ERI1: variants seen among roughly 807,000 people sequenced by gnomAD.
ERI1 encodes the protein 3'-5' exoribonuclease 1.
Under a neutral mutation model 39.7 loss-of-function variants are expected in ERI1, and 39 were observed. The ratio of observed to expected loss-of-function variants is 0.98; its 90% CI spans 0.76 to 1.28. The LOEUF (loss-of-function observed/expected upper bound fraction) is 1.28. Among genes scored for constraint, ERI1 ranks in the 50% most tolerant of loss-of-function variants. The pLI is 0.00. For synonymous variants in ERI1, 204 were observed against 149.6 expected, an observed-to-expected ratio of 1.36 and a Z score of -2.65; for missense variants, 581 against 416.9, an observed-to-expected ratio of 1.39 and a Z score of -3.43.
chr8:9,078,492 T>C (rs889668257), intron 3 of ERI1, among the ~76,000 whole-genome samples: 6 of 152,148 alleles, frequency 3.9e-5, no homozygotes, highest in African/African-American at 1.4e-4. Context: ...AAACTCAAGT[T>C]TTTTAACCCA....
chr8:9,016,714 C>G (rs972181138), intron 4 of ERI1, among the ~76,000 whole-genome samples: 5 of 152,158 alleles, frequency 3.3e-5, no homozygotes, highest in Non-Finnish European at 5.9e-5. Context: ...TTGAGACAGT[C>G]TCACTCTGTC....
At chr8:9,045,276 G>C (rs1272768724) in intron 3 of ERI1, among the ~76,000 whole-genome samples, 2 of 148,772 alleles carry the variant, frequency 1.3e-5, no homozygotes, top group Admixed American at 1.3e-4. Context: ...ATTACGTTCA[G>C]CCCTAAGCTG....
intron 3 of ERI1, among the ~76,000 whole-genome samples, chr8:9,075,415 G>T (rs994627634): frequency 6.6e-6 from 1 of 151,694 alleles, no homozygotes; most frequent in East Asian, 1.9e-4. Flanking sequence ...ACAATAATAA[G>T]AACACAGCTA....
chr8:9,035,191 C>G (rs902659384), downstream of ERI1, among the ~76,000 whole-genome samples: 1 of 152,168 alleles, frequency 6.6e-6, no homozygotes, highest in African/African-American at 2.4e-5. Context: ...TAGCTAAGAT[C>G]TAGCTAAGTT....
intron 1 of ERI1, among the ~76,000 whole-genome samples, chr8:9,003,915 C>T (rs1384745763): frequency 1.3e-5 from 2 of 152,224 alleles, no homozygotes; most frequent in African/African-American, 2.4e-5. Flanking sequence ...CTCCTTCCGT[C>T]CACAGTCAGT....
intron 3 of ERI1, among the ~76,000 whole-genome samples, chr8:9,013,639 A>G (rs140196307): frequency 2.6e-5 from 4 of 152,100 alleles, no homozygotes; most frequent in African/African-American, 7.2e-5. Flanking sequence ...CATATTTCCA[A>G]CCCGTTCCAA....
intron 3 of ERI1, chr8:9,088,367 A>G (rs1164481713): frequency 5.3e-5 from 8 of 152,166 alleles, no homozygotes; most frequent in African/African-American, 1.4e-4. Flanking sequence ...ACATTGAACT[A>G]TTTAATGTCG....
At chr8:9,090,013 T>C (rs866638606) in intron 3 of ERI1, among the ~76,000 whole-genome samples, 1 of 152,118 alleles carries the variant, frequency 6.6e-6, no homozygotes, top group East Asian at 1.9e-4. Flanking sequence ...TGAGATGATA[T>C]CACATTTGCA....
intron 3 of ERI1, among the ~76,000 whole-genome samples, chr8:9,094,175 A>G (rs1799798476): frequency 6.6e-6 from 1 of 152,222 alleles, no homozygotes; most frequent in African/African-American, 2.4e-5. Context: ...AGGACAATTG[A>G]AACATTAGCT....
At chr8:9,051,875 A>T (rs1187514442) in intron 3 of ERI1, among the ~76,000 whole-genome samples, 3 of 152,212 alleles carry the variant, frequency 2.0e-5, no homozygotes, top group Non-Finnish European at 4.4e-5. Flanking sequence ...ATAATTGCTT[A>T]AACTTCAGAC....
intron 6 of ERI1, among the ~76,000 whole-genome samples, chr8:9,027,363 G>T (rs1022687221): frequency 3.3e-5 from 5 of 152,080 alleles, no homozygotes; most frequent in African/African-American, 4.8e-5. Flanking sequence ...GTTTTGAGTT[G>T]TAGGAGTTCT....
chr8:9,095,718 A>C (rs1198233109), intron 3 of ERI1, among the ~76,000 whole-genome samples: 4 of 151,986 alleles, frequency 2.6e-5, no homozygotes, highest in East Asian at 1.9e-4. Context: ...ATGGGGTTTC[A>C]CCATGTTGCC....
intron 3 of ERI1, among the ~76,000 whole-genome samples, chr8:9,083,088 C>CTGCATT (rs1166340709): frequency 1.3e-5 from 2 of 152,108 alleles, no homozygotes; most frequent in Admixed American, 1.3e-4. Context: ...AACTGGGGCC[C>CTGCATT]TGCATTTTTT....
intron 3 of ERI1, among the ~76,000 whole-genome samples, chr8:9,089,456 G>A (rs1179709553): frequency 6.6e-6 from 1 of 152,112 alleles, no homozygotes; most frequent in African/African-American, 2.4e-5. Flanking sequence ...TTCTGAGAAT[G>A]ACTTGGACAC....
chr8:9,050,709 G>A (rs996522379), intron 3 of ERI1, among the ~76,000 whole-genome samples: 2 of 152,052 alleles, frequency 1.3e-5, no homozygotes, highest in Non-Finnish European at 2.9e-5. Flanking sequence ...TCAGAGTTAC[G>A]GAAGGAATGG....
intron 3 of ERI1, among the ~76,000 whole-genome samples, chr8:9,041,576 C>G (rs1199519014): frequency 1.3e-5 from 2 of 152,162 alleles, no homozygotes; most frequent in Non-Finnish European, 2.9e-5. Context: ...CAACATGCTC[C>G]TGAATGATCA....
intron 1 of ERI1, chr8:9,003,983 C>G: frequency 1.2e-6 from 1 of 845,538 alleles, no homozygotes; most frequent in Non-Finnish European, 1.7e-6. Context: ...TATTCCCCTC[C>G]TGAGTCACTT....
chr8:9,003,062 G>A lies in ERI1; in HGVS notation c.-2G>A. Reference sequence around the variant, plus strand: ...CAACTCTCCTCTGGCGTGACAGCCGGCATGGAGGATCCACAGAGTAAAGAG... The same window carrying A: ...CAACTCTCCTCTGGCGTGACAGCCGACATGGAGGATCCACAGAGTAAAGAG... On this transcript the variant is annotated 5_prime_UTR_variant, in exon 1 of 7. Transcript: ENST00000250263. The A allele has an allele frequency of 8.0e-7, 1 of 1,246,556 alleles. No individual in the cohort carries two copies. The highest frequency in any genetic ancestry group is 3.2e-5 in the East Asian group (1 of 31,688). 77.2% of individuals were successfully genotyped at this position (1,246,556 alleles called of 1,614,324 possible). A position where few individuals can be genotyped will look rare whatever the true frequency, so the allele number is the denominator to read the frequency against.
At chr8:9,063,851 A>G (rs1049320119) in intron 3 of ERI1, among the ~76,000 whole-genome samples, 1 of 152,132 alleles carries the variant, frequency 6.6e-6, no homozygotes, top group Non-Finnish European at 1.5e-5. Context: ...TTTAGGTTTT[A>G]GGTCAGGTGT....
Sources: allele counts gnomAD v4.1 joint callset (sites outside exome capture counted in the v4.1 genomes callset), GRCh38; gene constraint gnomAD v4.1.1; transcripts MANE v1.5; gene names NCBI Gene and HGNC (gene_info 2026-07-23, HGNC 2026-07-21).